TMEM244: variants seen among roughly 807,000 people sequenced by gnomAD.
TMEM244 encodes transmembrane protein 244, also known as putative transmembrane protein 244.
TMEM244 carries 13 observed loss-of-function variants against 15.8 expected under a neutral mutation model. The observed-to-expected ratio is 0.82, with a 90% CI of 0.53 to 1.30. The LOEUF is 1.30. TMEM244 is among the 50% of genes most tolerant of loss of function. The pLI, the probability that TMEM244 is intolerant of heterozygous loss-of-function variation, is 0.00. For synonymous variants in TMEM244, 45 were observed against 48.7 expected (o/e 0.92, Z 0.32); for missense variants, 161 against 144.9 (o/e 1.11, Z -0.57).
intron 1 of TMEM244, among the ~76,000 whole-genome samples, chr6:129,857,076 C>T (rs1776722913): frequency 6.6e-6 from 1 of 151,904 alleles, no homozygotes; most frequent in Non-Finnish European, 1.5e-5. Flanking sequence ...ATCTAACTAG[C>T]TATTGTTTGT....
chr6:129,857,240 T>C (rs1776725019), intron 1 of TMEM244, among the ~76,000 whole-genome samples: 1 of 151,990 alleles, frequency 6.6e-6, no homozygotes, highest in African/African-American at 2.4e-5. Context: ...TCTATTTTAA[T>C]TCTCATGACT....
At chr6:129,833,655 C>G in intron 3 of TMEM244, 70 bp from the exon 4 acceptor site, 1 of 1,464,568 alleles carries the variant, frequency 6.8e-7, no homozygotes, top group South Asian at 1.4e-5. Context: ...CAACTAGTAA[C>G]AAGACCAGGA....
chr6:129,839,351 A>G (rs1038517584), intron 3 of TMEM244, among the ~76,000 whole-genome samples: 1 of 152,350 alleles, frequency 6.6e-6, no homozygotes, highest in Non-Finnish European at 1.5e-5. Context: ...CAATAGATGC[A>G]GAAAAGGCCT....
intron 1 of TMEM244, among the ~76,000 whole-genome samples, chr6:129,855,182 G>A (rs933809629): frequency 1.2e-4 from 18 of 152,096 alleles, no homozygotes; most frequent in Admixed American, 1.0e-3. Flanking sequence ...CAATTAAAAC[G>A]AGCAAATATA....
intron 1 of TMEM244, among the ~76,000 whole-genome samples, chr6:129,857,853 T>C (rs189646591): frequency 8.9e-4 from 115 of 129,068 alleles, no homozygotes; most frequent in Non-Finnish European, 1.4e-3. Context: ...CATATATATG[T>C]ATATATATAT....
At chr6:129,835,654 G>A (rs781425874) in intron 3 of TMEM244, among the ~76,000 whole-genome samples, 5 of 152,132 alleles carry the variant, frequency 3.3e-5, no homozygotes, top group Non-Finnish European at 5.9e-5. Flanking sequence ...TCCTAGCTAA[G>A]GGAAGCCATG....
intron 1 of TMEM244, among the ~76,000 whole-genome samples, chr6:129,846,229 T>A (rs1584187635): frequency 6.6e-6 from 1 of 152,148 alleles, no homozygotes; most frequent in South Asian, 2.1e-4. Context: ...TAAACTTTTC[T>A]TATTTCTGTT....
chr6:129,834,265 G>A (rs570589005), intron 3 of TMEM244, among the ~76,000 whole-genome samples: 1 of 152,318 alleles, frequency 6.6e-6, no homozygotes, highest in Admixed American at 6.5e-5. Context: ...AACACGTGAT[G>A]GGTCAATCTT....
chr6:129,860,934 C>A (rs909728553), intron 1 of TMEM244, among the ~76,000 whole-genome samples: 1 of 152,086 alleles, frequency 6.6e-6, no homozygotes, highest in Admixed American at 6.6e-5. Context: ...TTCTAAACAG[C>A]GACTATTTAC....
intron 4 of TMEM244, among the ~76,000 whole-genome samples, chr6:129,832,220 C>A (rs1420800521): frequency 1.3e-5 from 2 of 151,710 alleles, no homozygotes. Flanking sequence ...GCCTCAGCCT[C>A]CCAAGTAGCT....
chr6:129,849,226 C>A (rs1166754978), intron 1 of TMEM244, among the ~76,000 whole-genome samples: 3 of 152,062 alleles, frequency 2.0e-5, no homozygotes, highest in South Asian at 4.2e-4. Flanking sequence ...ATTTAAAAAT[C>A]ATTTGTAGGA....
chr6:129,851,056 C>G (rs1461909108), intron 1 of TMEM244, among the ~76,000 whole-genome samples: 2 of 152,092 alleles, frequency 1.3e-5, no homozygotes, highest in Non-Finnish European at 2.9e-5. Flanking sequence ...CCACTATATG[C>G]TTGCAGGAAA....
intron 3 of TMEM244, among the ~76,000 whole-genome samples, chr6:129,833,941 T>A (rs1422177372): frequency 6.6e-6 from 1 of 151,954 alleles, no homozygotes; most frequent in Admixed American, 6.6e-5. Flanking sequence ...AATGAAAAAA[T>A]CCAGTTCTGA....
intron 4 of TMEM244, among the ~76,000 whole-genome samples, chr6:129,831,825 G>T (rs1409361746): frequency 6.6e-6 from 1 of 152,146 alleles, no homozygotes; most frequent in Non-Finnish European, 1.5e-5. Context: ...TCAACCCTGA[G>T]GATTGAACCA....
chr6:129,860,472 CTGA>C (rs1776791396), intron 1 of TMEM244, among the ~76,000 whole-genome samples: 1 of 152,072 alleles, frequency 6.6e-6, no homozygotes, highest in African/African-American at 2.4e-5. Context: ...ACACACGGTG[CTGA>C]TATTTTACTA....
intron 3 of TMEM244, among the ~76,000 whole-genome samples, chr6:129,841,332 C>G (rs1776487359): frequency 6.7e-6 from 1 of 148,198 alleles, no homozygotes; most frequent in Non-Finnish European, 1.5e-5. Context: ...AACAGAAAAC[C>G]AAACACCACA....
At chr6:129,850,629 G>A (rs1208785558) in intron 1 of TMEM244, among the ~76,000 whole-genome samples, 1 of 152,150 alleles carries the variant, frequency 6.6e-6, no homozygotes, top group Non-Finnish European at 1.5e-5. Context: ...AGCCACATAT[G>A]TAATTTAAAA....
rs759685255 is a variant in TMEM244, at chr6:129,833,621, T to G, written c.194-36A>C. 58 of 1,593,442 alleles carry G rather than the reference T, an allele frequency of 3.6e-5. No individual in the cohort carries two copies. In the Middle Eastern group the frequency reaches 8.3e-4, roughly 23 times the overall value. ...AAGGAAGAATATAATTATTGAGGAC[T>G]AGAGCAATGAACATTCTGAAATACA... is the stretch of plus-strand genomic sequence containing the variant. On this transcript the variant is annotated intron_variant, in intron 3 of 4. Coordinates refer to ENST00000368143, the MANE Select transcript of TMEM244 (RefSeq NM_001010876.2).
At chr6:129,846,175 A>T (rs1776558669) in intron 1 of TMEM244, among the ~76,000 whole-genome samples, 1 of 152,214 alleles carries the variant, frequency 6.6e-6, no homozygotes, top group South Asian at 2.1e-4. Context: ...CCAAAATAAG[A>T]TGAATAATAC....
Sources: gnomAD v4.1 joint callset for allele counts (sites outside exome capture counted in the v4.1 genomes callset) on GRCh38, gnomAD v4.1.1 for gene constraint, MANE v1.5 for transcripts, NCBI Gene and HGNC (gene_info 2026-07-23, HGNC 2026-07-21) for gene names.